The following PTPRD variants were observed in gnomAD, a reference collection of about 807,000 sequenced individuals.
PTPRD encodes protein tyrosine phosphatase receptor type D.
In PTPRD, 34 loss-of-function variants were observed where a neutral mutation model predicts 214.5. That is an observed-to-expected ratio of 0.16 (90% CI 0.12 to 0.21). The LOEUF is 0.21. PTPRD is among the 10% of genes least tolerant of loss of function. The probability of loss-of-function intolerance (pLI) is 1.00; values close to 1 mark genes in which losing one functional copy is unlikely to be tolerated. For missense variants in PTPRD, 2,545 were observed against 2,398.7 expected (o/e 1.06, Z -1.27); for synonymous variants, 1,128 against 845.7 (o/e 1.33, Z -5.79).
chr9:9,300,802 T>C (rs1215507410), intron 9 of PTPRD, among the ~76,000 whole-genome samples: 1 of 151,904 alleles, frequency 6.6e-6, no homozygotes, highest in Non-Finnish European at 1.5e-5. Flanking sequence ...ATACAATTTA[T>C]GGTATTTTGT....
At chr9:10,350,483 C>G (rs1565468086) in intron 2 of PTPRD, among the ~76,000 whole-genome samples, 2 of 152,018 alleles carry the variant, frequency 1.3e-5, no homozygotes, top group Non-Finnish European at 2.9e-5. Flanking sequence ...AAAAATTAAG[C>G]ATTTACTTTG....
At chr9:8,466,672 G>C (rs2096550144) in intron 31 of PTPRD, among the ~76,000 whole-genome samples, 1 of 151,676 alleles carries the variant, frequency 6.6e-6, no homozygotes, top group Admixed American at 6.6e-5. Context: ...CCATTTTCTT[G>C]GGAAGAATTT....
At position 8,565,625 on chromosome 9, in the gene PTPRD, A is replaced by G. The variant is rs182658106; in HGVS notation, c.353-36846T>C. Among the ~76,000 whole-genome samples, 5 of 152,322 alleles carry G rather than the reference A, an allele frequency of 3.3e-5. No individual in the cohort carries two copies. The East Asian group carries it at 9.6e-4, about 29-fold the overall frequency. On this transcript the variant is annotated intron_variant, in intron 14 of 45. Coordinates refer to ENST00000381196, the MANE Select transcript of PTPRD (RefSeq NM_002839.4). ...CCATACTTGACATAAAAATTATATG[A>G]AAAAGAGCACATCTAAAATGGACAT...
intron 10 of PTPRD, among the ~76,000 whole-genome samples, chr9:9,079,793 CA>C (rs1169263880): frequency 6.6e-6 from 1 of 151,946 alleles, no homozygotes; most frequent in Non-Finnish European, 1.5e-5. Context: ...TTTCTCACAC[CA>C]AAATTCAGCC....
At chr9:9,140,556 C>A (rs1317687101) in intron 10 of PTPRD, among the ~76,000 whole-genome samples, 1 of 152,188 alleles carries the variant, frequency 6.6e-6, no homozygotes, top group Non-Finnish European at 1.5e-5. Context: ...ATTGGAAAGC[C>A]ACTGTGACAG....
intron 11 of PTPRD, among the ~76,000 whole-genome samples, chr9:8,930,302 A>T (rs36193338): frequency 0.5 from 75,619 of 151,380 alleles, 19,602 homozygotes; most frequent in East Asian, 0.82. Flanking sequence ...CATCCTTTTT[A>T]ATGGCTGCAT....
chr9:9,417,631 A>C (rs191897658), intron 8 of PTPRD, among the ~76,000 whole-genome samples: 19 of 152,256 alleles, frequency 1.2e-4, no homozygotes, highest in Admixed American at 1.0e-3. Flanking sequence ...TTATAGTCAC[A>C]ACAAAACTTG....
intron 11 of PTPRD, among the ~76,000 whole-genome samples, chr9:8,758,527 G>C (rs10124548): frequency 0.05 from 7,673 of 152,170 alleles, 482 homozygotes; most frequent in African/African-American, 0.15. Flanking sequence ...AAACAGCCTA[G>C]AGAAATGCTA....
At chr9:10,145,565 A>G (rs184505282) in intron 3 of PTPRD, among the ~76,000 whole-genome samples, 217 of 152,264 alleles carry the variant, frequency 1.4e-3, no homozygotes, top group African/African-American at 4.9e-3. Context: ...AATATGAGTT[A>G]ATCAACTGTT....
Position 8,315,601 on chromosome 9 carries a change from G to C in PTPRD, c.*2273C>G, listed in dbSNP as rs1821210676. Reference sequence around the variant, plus strand: ...GATGTAGGTTAGAGAGTCTCATTCTGAGGTAGCCTTCTAGATACTTTTTTT... The same window carrying C: ...GATGTAGGTTAGAGAGTCTCATTCTCAGGTAGCCTTCTAGATACTTTTTTT... On this transcript the variant is annotated 3_prime_UTR_variant, in exon 46 of 46. Transcript: ENST00000381196. 4.3e-6 allele frequency: 1 copy of C among 230,170 alleles called. No homozygotes were observed. The highest frequency in any genetic ancestry group is 2.2e-5 in the African/African-American group (1 of 45,136). The allele number at this position is 230,170 out of a possible 1,614,324, so 14.3% of individuals were successfully genotyped here.
At chr9:9,671,309 C>A (rs1191011725) in intron 7 of PTPRD, among the ~76,000 whole-genome samples, 1 of 152,116 alleles carries the variant, frequency 6.6e-6, no homozygotes, top group Admixed American at 6.6e-5. Flanking sequence ...GCTATAGTTA[C>A]CCAATACCTG....
intron 39 of PTPRD, among the ~76,000 whole-genome samples, chr9:8,349,129 C>A (rs976106510): frequency 2.0e-5 from 3 of 152,118 alleles, no homozygotes; most frequent in Non-Finnish European, 4.4e-5. Flanking sequence ...TTCCCCGAAG[C>A]CCCCAGCATG....
chr9:9,991,230 G>C (rs540636377), intron 4 of PTPRD, among the ~76,000 whole-genome samples: 8 of 151,556 alleles, frequency 5.3e-5, no homozygotes, highest in Admixed American at 3.9e-4. Flanking sequence ...CACCATGCCC[G>C]GCTGAGTAAA....
At chr9:10,077,591 T>C (rs1182780313) in intron 3 of PTPRD, among the ~76,000 whole-genome samples, 1 of 152,108 alleles carries the variant, frequency 6.6e-6, no homozygotes, top group African/African-American at 2.4e-5. Context: ...TATTTTGCTA[T>C]CCAGGTAATA....
intron 5 of PTPRD, among the ~76,000 whole-genome samples, chr9:9,790,114 G>A (rs2098957031): frequency 6.6e-6 from 1 of 152,106 alleles, no homozygotes; most frequent in South Asian, 2.1e-4. Flanking sequence ...GGAATATCTG[G>A]CTGGGAATCT....
chr9:8,981,850 A>G (rs2099314319), intron 11 of PTPRD, among the ~76,000 whole-genome samples: 1 of 152,090 alleles, frequency 6.6e-6, no homozygotes, highest in African/African-American at 2.4e-5. Flanking sequence ...TTCTCTTGCT[A>G]GAAGGAAGAA....
intron 10 of PTPRD, among the ~76,000 whole-genome samples, chr9:9,118,455 T>A (rs1476356566): frequency 6.6e-6 from 1 of 152,148 alleles, no homozygotes; most frequent in Non-Finnish European, 1.5e-5. Flanking sequence ...ACCCAGCAAC[T>A]TTTTAGTCAC....
intron 2 of PTPRD, among the ~76,000 whole-genome samples, chr9:10,419,582 T>C (rs1482930526): frequency 1.3e-5 from 2 of 151,866 alleles, no homozygotes; most frequent in Non-Finnish European, 1.5e-5. Flanking sequence ...TATACTTTGA[T>C]TAAGATATAT....
At chr9:9,942,768 T>C (rs1312250114) in intron 4 of PTPRD, among the ~76,000 whole-genome samples, 1 of 152,204 alleles carries the variant, frequency 6.6e-6, no homozygotes, top group Non-Finnish European at 1.5e-5. Context: ...TGTATTTTTC[T>C]GTGAAATTTG....
Sources: allele counts gnomAD v4.1 joint callset (sites outside exome capture counted in the v4.1 genomes callset), GRCh38; gene constraint gnomAD v4.1.1; transcripts MANE v1.5; gene names NCBI Gene and HGNC (gene_info 2026-07-23, HGNC 2026-07-21).